Variants in POR observed in about 807,000 individuals in gnomAD.
POR encodes cytochrome p450 oxidoreductase.
POR carries 56 observed loss-of-function variants against 84.0 expected under a neutral mutation model. The ratio of observed to expected loss-of-function variants is 0.67; its 90% confidence interval spans 0.54 to 0.83. The LOEUF (loss-of-function observed/expected upper bound fraction) is 0.83. Among genes scored for constraint, POR ranks in the 40% least tolerant of loss-of-function variants. The pLI is 0.00. For synonymous variants in POR, 414 were observed against 400.5 expected (o/e 1.03, Z -0.40); for missense variants, 938 against 944.3 (o/e 0.99, Z 0.09).
intron 1 of POR, among the ~76,000 whole-genome samples, chr7:75,933,017 T>C (rs1338256852): frequency 7.1e-6 from 1 of 141,262 alleles, no homozygotes; most frequent in Non-Finnish European, 1.5e-5. Flanking sequence ...AGAGCGAGAC[T>C]CCATCTGAAA....
intron 1 of POR, among the ~76,000 whole-genome samples, chr7:75,923,977 C>T (rs1470020969): frequency 2.0e-5 from 3 of 152,100 alleles, no homozygotes; most frequent in African/African-American, 7.2e-5. Flanking sequence ...AAAATTCCAG[C>T]GTTTTCTACG....
intron 4 of POR, 54 bp from the exon 5 acceptor site, chr7:75,980,285 A>G: frequency 6.3e-7 from 1 of 1,582,776 alleles, no homozygotes; most frequent in South Asian, 1.1e-5. Context: ...TGCGGGTTGA[A>G]CCTTGAACAG....
chr7:75,951,089 G>A (rs1187526690), intron 1 of POR, among the ~76,000 whole-genome samples: 6 of 78,250 alleles, frequency 7.7e-5, no homozygotes, highest in African/African-American at 3.2e-4. Context: ...AAAAAAAAAA[G>A]TCATATCAAA....
chr7:75,965,505 C>T lies in POR; in HGVS notation c.189-6908C>T, dbSNP rs559677926. Among the ~76,000 whole-genome samples the T allele has an allele frequency of 2.8e-4, 42 of 152,286 alleles. 1 individual carries two copies. The highest frequency in any genetic ancestry group is 2.6e-3 in the Admixed American group (40 of 15,292). On this transcript the variant is annotated intron_variant, in intron 2 of 15. Coordinates refer to ENST00000461988, the MANE Select transcript of POR (RefSeq NM_000941.3). ...AGCTCTTGTCATGGCCACCCCAGCC[C>T]ACCCCTCCTTTCCATCCCCTTTGAT...
At position 75,986,538 on chromosome 7, in the gene POR, T is replaced by C; in HGVS notation, c.*57T>C. 6.4e-7 allele frequency: 1 copy of C among 1,570,776 alleles called. No individual in the cohort carries two copies. The highest frequency in any genetic ancestry group is 8.6e-7 in the Non-Finnish European group (1 of 1,164,566). On this transcript the variant is annotated 3_prime_UTR_variant, in exon 16 of 16. Transcript: ENST00000461988. ...CCGGCCTGTAATCAGCTCTCCTGGC[T>C]CCCTCCCGTAGTCTCCTGGGTGTGT...
rs555587472 is a variant in POR at position 75,953,880 on chromosome 7, T to C, written c.-4-109T>C. On this transcript the variant is annotated intron_variant, in intron 1 of 15. Coordinates refer to ENST00000461988, the MANE Select transcript of POR (RefSeq NM_000941.3). ...CTTCTCCTACCCCGTGCAGTGACCATTTCCTGCAGCCCCAGGGGCAAGGCC... is the reference window on the plus strand; with the variant it reads ...CTTCTCCTACCCCGTGCAGTGACCACTTCCTGCAGCCCCAGGGGCAAGGCC... The C allele has an allele frequency of 5.6e-5, 48 of 864,800 alleles. No individual in the cohort carries two copies. In the African/African-American group the frequency reaches 7.5e-4, roughly 14 times the overall value. 53.6% of individuals were successfully genotyped at this position (864,800 alleles called of 1,614,324 possible).
chr7:75,970,977 T>TATTTTA (rs1554556050), intron 2 of POR: 1 of 151,252 alleles, frequency 6.6e-6, no homozygotes, highest in African/African-American at 2.4e-5. Context: ...TATTTTATTT[T>TATTTTA]TTGAGACAGA....
chr7:75,985,324 C>G, intron 12 of POR, 117 bp downstream of exon 12: 6 of 1,341,992 alleles, frequency 4.5e-6, no homozygotes, highest in Admixed American at 2.7e-5. Context: ...CCAGTTCCAG[C>G]CCCAGCGCAG....
chr7:75,965,288 C>T (rs1788129096), intron 2 of POR, among the ~76,000 whole-genome samples: 1 of 137,472 alleles, frequency 7.3e-6, no homozygotes, highest in Admixed American at 7.3e-5. Context: ...GGGCTCCAAG[C>T]CAGTGCTTTT....
Position 75,980,343 on chromosome 7 carries a change from A to T in POR, c.371A>T (p.Asp124Val). ...GTCCTGTCCCTGTTTCTGCAGGCCG[A>T]CCTGAGCAGCCTGCCAGAGATCGAC... is the stretch of plus-strand genomic sequence containing the variant. The change falls in exon 5 of 16, where the codon GAC becomes GTC. Residue 124 changes from aspartate (D) to valine (V), a missense_variant. Asp to Val is a radical substitution (Grantham distance 152). Transcript: ENST00000461988. The T allele has an allele frequency of 1.9e-6, 3 of 1,612,514 alleles. No homozygotes were observed. Among genetic ancestry groups the T allele is most frequent in the Non-Finnish European group, 2.5e-6 (3 of 1,179,474 alleles).
At chr7:75,935,885 G>T (rs945896916) in intron 1 of POR, among the ~76,000 whole-genome samples, 1 of 151,504 alleles carries the variant, frequency 6.6e-6, no homozygotes, top group Non-Finnish European at 1.5e-5. Flanking sequence ...CCCCAATAGC[G>T]CATTCTATGT....
intron 3 of POR, among the ~76,000 whole-genome samples, chr7:75,977,041 C>T (rs1788728126): frequency 6.6e-6 from 1 of 152,096 alleles, no homozygotes; most frequent in Non-Finnish European, 1.5e-5. Context: ...TTAGTAGAGA[C>T]AGGGTTTTGC....
intron 10 of POR, 95 bp from the exon 11 acceptor site, chr7:75,984,682 C>T (rs1789296708): frequency 2.7e-6 from 3 of 1,115,262 alleles, no homozygotes; most frequent in Admixed American, 1.8e-5. Flanking sequence ...CCTGTTGCCG[C>T]AGAGCTGGCC....
At position 75,982,255 on chromosome 7, in the gene POR, G is replaced by C; in HGVS notation, c.763G>C (p.Asp255His). 1 of 1,612,658 alleles carries C rather than the reference G, an allele frequency of 6.2e-7. No individual in the cohort carries two copies. Among genetic ancestry groups the C allele is most frequent in the Non-Finnish European group, 8.5e-7 (1 of 1,179,508 alleles). The change falls in exon 8 of 16, where the codon GAC (aspartate) becomes CAC (histidine). Residue 255 changes from aspartate (D) to histidine (H), a missense_variant. Asp to His is a moderately conservative substitution (Grantham distance 81, BLOSUM62 -1). Transcript: ENST00000461988. ...CCAGTACGAGCTTGTGGTCCACACCGACATAGATGCGGCCAAGGTGTACAT... is the reference window on the plus strand; with the variant it reads ...CCAGTACGAGCTTGTGGTCCACACCCACATAGATGCGGCCAAGGTGTACAT...
intron 1 of POR, among the ~76,000 whole-genome samples, chr7:75,950,220 C>G (rs1236525850): frequency 6.6e-6 from 1 of 152,182 alleles, no homozygotes; most frequent in East Asian, 1.9e-4. Flanking sequence ...TGGGGAATGG[C>G]CCGTCCATCA....
intron 4 of POR, chr7:75,979,845 G>A (rs1585127581): frequency 4.5e-6 from 2 of 448,310 alleles, no homozygotes; most frequent in African/African-American, 2.0e-5. Context: ...CCTGGCGGCC[G>A]CCACATCTCC....
At chr7:75,919,808 A>G (rs1806764566) in intron 1 of POR, among the ~76,000 whole-genome samples, 1 of 152,014 alleles carries the variant, frequency 6.6e-6, no homozygotes, top group African/African-American at 2.4e-5. Flanking sequence ...CAAACTGTTG[A>G]TGTGGGAAGC....
intron 3 of POR, among the ~76,000 whole-genome samples, chr7:75,977,902 C>A (rs993771151): frequency 6.6e-6 from 1 of 152,236 alleles, no homozygotes; most frequent in African/African-American, 2.4e-5. Context: ...TTCCACCCTT[C>A]AGATCTTGCA....
chr7:75,931,339 T>TTATC (rs1407124683), intron 1 of POR, among the ~76,000 whole-genome samples: 1 of 84,914 alleles, frequency 1.2e-5, no homozygotes, highest in Non-Finnish European at 2.5e-5. Context: ...TTGTGTGATT[T>TTATC]TATTTATTTA....
Sources: allele counts gnomAD v4.1 joint callset (sites outside exome capture counted in the v4.1 genomes callset), GRCh38; gene constraint gnomAD v4.1.1; transcripts MANE v1.5; gene names NCBI Gene and HGNC (gene_info 2026-07-23, HGNC 2026-07-21).